The following SPATS2 variants were observed in gnomAD, a reference collection of about 807,000 sequenced individuals.
SPATS2 encodes the protein spermatogenesis associated serine rich 2, also known as spermatogenesis-associated serine-rich protein 2.
A neutral mutation model predicts 63.7 loss-of-function variants in SPATS2; 38 were observed. The observed-to-expected ratio is 0.60, with a 90% CI of 0.46 to 0.78. The LOEUF is 0.78. SPATS2 is among the 30% of genes least tolerant of loss of function. The pLI is 0.00. For missense variants in SPATS2, 588 were observed against 666.2 expected, an observed-to-expected ratio of 0.88 and a Z score of 1.29; for synonymous variants, 207 against 232.9, an observed-to-expected ratio of 0.89 and a Z score of 1.01.
chr12:49,367,258 C>T (rs1334282434), upstream of SPATS2: 1 of 308,064 alleles, frequency 3.2e-6, no homozygotes, highest in African/African-American at 2.2e-5. Flanking sequence ...GGCGCGAGTA[C>T]GCGCCCTGAG....
chr12:49,493,653 T>A (rs927069943), intron 6 of SPATS2, among the ~76,000 whole-genome samples: 2 of 152,206 alleles, frequency 1.3e-5, no homozygotes, highest in African/African-American at 4.8e-5. Context: ...TCCACCTACC[T>A]TGGCCTCCCA....
At chr12:49,395,360 G>A (rs1209354374) in intron 2 of SPATS2, among the ~76,000 whole-genome samples, 2 of 151,462 alleles carry the variant, frequency 1.3e-5, no homozygotes, top group Non-Finnish European at 2.9e-5. Context: ...ATGTTGAAGA[G>A]AAGCAGTGAA....
At chr12:49,501,070 G>A (rs1946560000) in intron 9 of SPATS2, among the ~76,000 whole-genome samples, 1 of 152,000 alleles carries the variant, frequency 6.6e-6, no homozygotes, top group African/African-American at 2.4e-5. Flanking sequence ...TCCCACCTCA[G>A]CCTCCCAAGT....
chr12:49,392,538 C>T (rs1232714557), intron 2 of SPATS2, among the ~76,000 whole-genome samples: 1 of 151,778 alleles, frequency 6.6e-6, no homozygotes, highest in Non-Finnish European at 1.5e-5. Context: ...CATGGCGAAA[C>T]CCTGTCTTTA....
At chr12:49,506,304 G>A (rs1327256236) in intron 9 of SPATS2, among the ~76,000 whole-genome samples, 1 of 139,346 alleles carries the variant, frequency 7.2e-6, no homozygotes, top group Non-Finnish European at 1.5e-5. Flanking sequence ...CTCAAGACTG[G>A]GTAATTTATC....
At chr12:49,434,491 C>G (rs776295748) in intron 2 of SPATS2, among the ~76,000 whole-genome samples, 2 of 152,160 alleles carry the variant, frequency 1.3e-5, no homozygotes, top group African/African-American at 4.8e-5. Flanking sequence ...TTTTGTCTCT[C>G]TTGCTCATCT....
intron 11 of SPATS2, among the ~76,000 whole-genome samples, chr12:49,520,988 G>A (rs567965871): frequency 6.6e-6 from 1 of 152,186 alleles, no homozygotes; most frequent in South Asian, 2.1e-4. Flanking sequence ...CAAAGTGCTG[G>A]GATTACAGGC....
At chr12:49,499,978 T>G in intron 8 of SPATS2, 92 bp from the exon 9 acceptor site, 1 of 998,566 alleles carries the variant, frequency 1.0e-6, no homozygotes, top group South Asian at 4.2e-5. Context: ...TTAGTCTACA[T>G]GACATTTGGC....
At chr12:49,512,923 T>C (rs759160489) in intron 9 of SPATS2, 9 of 1,288,264 alleles carry the variant, frequency 7.0e-6, no homozygotes, top group Non-Finnish European at 9.1e-6. Context: ...AAATGCTTTC[T>C]TAGCAAAGTA....
chr12:49,495,182 G>A (rs1337410270), intron 7 of SPATS2, among the ~76,000 whole-genome samples, 180 bp downstream of exon 7: 1 of 151,802 alleles, frequency 6.6e-6, no homozygotes, highest in African/African-American at 2.4e-5. Flanking sequence ...ATTATCAAAG[G>A]CCTAGAAAAA....
chr12:49,461,709 A>G (rs954700702), intron 3 of SPATS2, among the ~76,000 whole-genome samples: 2 of 152,196 alleles, frequency 1.3e-5, no homozygotes, highest in African/African-American at 4.8e-5. Flanking sequence ...CTTTAATTCA[A>G]AGCAAAGCTA....
At chr12:49,509,152 CA>C (rs886971815) in intron 9 of SPATS2, among the ~76,000 whole-genome samples, 11 of 151,804 alleles carry the variant, frequency 7.2e-5, no homozygotes, top group Non-Finnish European at 2.9e-5. Context: ...ATCATTGAGT[CA>C]CATGATCTCC....
intron 2 of SPATS2, among the ~76,000 whole-genome samples, chr12:49,414,325 A>G (rs1256981946): frequency 6.6e-6 from 1 of 152,206 alleles, no homozygotes; most frequent in East Asian, 1.9e-4. Flanking sequence ...TAGAATTCTT[A>G]GAAGGCCTTT....
chr12:49,371,985 A>C (rs1944006438), intron 2 of SPATS2, among the ~76,000 whole-genome samples: 1 of 150,360 alleles, frequency 6.7e-6, no homozygotes, highest in Admixed American at 6.6e-5. Flanking sequence ...ACACAGAAGT[A>C]GAATTGCTGG....
intron 6 of SPATS2, among the ~76,000 whole-genome samples, chr12:49,492,368 G>A (rs995793361): frequency 2.0e-5 from 3 of 147,202 alleles, no homozygotes; most frequent in Non-Finnish European, 4.4e-5. Context: ...CTACAGGTGC[G>A]TGCCACTGCG....
intron 2 of SPATS2, among the ~76,000 whole-genome samples, chr12:49,397,239 G>A (rs1944526780): frequency 6.6e-6 from 1 of 152,042 alleles, no homozygotes; most frequent in African/African-American, 2.4e-5. Flanking sequence ...CCTTCTCCCT[G>A]TGGATATCAT....
intron 4 of SPATS2, among the ~76,000 whole-genome samples, chr12:49,486,642 T>G (rs1385804563): frequency 6.6e-6 from 1 of 152,126 alleles, no homozygotes; most frequent in Non-Finnish European, 1.5e-5. Flanking sequence ...TTTTTTATTT[T>G]TTGAAACAGA....
At chr12:49,480,515 C>CT (rs1370353883) in intron 3 of SPATS2, among the ~76,000 whole-genome samples, 2 of 152,072 alleles carry the variant, frequency 1.3e-5, no homozygotes, top group Non-Finnish European at 2.9e-5. Context: ...CAGTAAAACT[C>CT]TAAGAGGGCA....
chr12:49,521,939 C>T (rs1946948206), intron 11 of SPATS2, among the ~76,000 whole-genome samples: 1 of 151,938 alleles, frequency 6.6e-6, no homozygotes, highest in Admixed American at 6.6e-5. Context: ...TATTAGCCCA[C>T]CCCCAGTTAA....
Sources: allele counts gnomAD v4.1 joint callset (sites outside exome capture counted in the v4.1 genomes callset), GRCh38; gene constraint gnomAD v4.1.1; transcripts MANE v1.5; gene names NCBI Gene and HGNC (gene_info 2026-07-23, HGNC 2026-07-21).